Variants in TRIM14 observed in about 807,000 individuals in gnomAD.
TRIM14 encodes tripartite motif containing 14.
Under a neutral mutation model 44.5 loss-of-function variants are expected in TRIM14, and 28 were observed. The observed-to-expected ratio is 0.63, with a 90% CI of 0.47 to 0.86. The LOEUF is 0.86. Among genes scored for constraint, TRIM14 ranks in the 40% least tolerant of loss-of-function variants. The pLI is 0.00. For synonymous variants in TRIM14, 299 were observed against 269.2 expected, an observed-to-expected ratio of 1.11 and a Z score of -1.08; for missense variants, 607 against 611.1, an observed-to-expected ratio of 0.99 and a Z score of 0.07.
At chr9:98,063,199 G>A in the TRIM14 span, among the ~76,000 whole-genome samples, 7 of 151,304 alleles carry the variant, frequency 4.6e-5, no homozygotes, top group African/African-American at 1.5e-4. Context: ...AAGGTCTGGG[G>A]ATTACGGGTG....
chr9:98,090,381 C>A (rs1415980534), intron 5 of TRIM14, among the ~76,000 whole-genome samples: 1 of 152,124 alleles, frequency 6.6e-6, no homozygotes, highest in Non-Finnish European at 1.5e-5. Context: ...GTAAAACTAA[C>A]CTATAGTCCT....
chr9:98,059,310 A>G, the TRIM14 span, among the ~76,000 whole-genome samples: 2 of 152,356 alleles, frequency 1.3e-5, no homozygotes, highest in South Asian at 4.1e-4. Flanking sequence ...GGTGTGAGCC[A>G]CTGCGCCCGG....
the TRIM14 span, chr9:98,060,736 G>A: frequency 6.4e-7 from 1 of 1,572,236 alleles, no homozygotes; most frequent in Non-Finnish European, 8.7e-7. Flanking sequence ...TCCTTTTTTT[G>A]AGAATCTACG....
rs566328898 is a variant in TRIM14 at position 98,101,337 on chromosome 9, G to C, written c.304-1173C>G. On this transcript the variant is annotated intron_variant, in intron 2 of 5. Coordinates refer to ENST00000341469, the MANE Select transcript of TRIM14 (RefSeq NM_014788.4). ...TAAGAGACTGAAATACAGTCTGTAAGGGTATGTGAAGTAGGGCATTTATAT... is the reference window on the plus strand; with the variant it reads ...TAAGAGACTGAAATACAGTCTGTAACGGTATGTGAAGTAGGGCATTTATAT... Among the ~76,000 whole-genome samples the C allele has an allele frequency of 7.9e-5, 12 of 152,282 alleles. No homozygotes were observed. The South Asian group carries it at 2.5e-3, about 32-fold the overall frequency.
chr9:98,044,588 G>T, the TRIM14 span, among the ~76,000 whole-genome samples: 2 of 151,890 alleles, frequency 1.3e-5, no homozygotes, highest in Non-Finnish European at 2.9e-5. Context: ...TGGCCAGGAT[G>T]GTCTTGATCT....
At chr9:98,081,289 A>G (rs1054274088), downstream of TRIM14, 5 of 659,428 alleles carry the variant, frequency 7.6e-6, no homozygotes, top group Non-Finnish European at 1.3e-5. Flanking sequence ...GACACATGTT[A>G]TCTAACTTTA....
chr9:98,052,593 C>T, the TRIM14 span, among the ~76,000 whole-genome samples: 1 of 152,148 alleles, frequency 6.6e-6, no homozygotes, highest in African/African-American at 2.4e-5. Context: ...CTACAACCTC[C>T]ACCTCCTGGG....
intron 6 of TRIM14, among the ~76,000 whole-genome samples, chr9:98,070,663 G>T (rs535804604): frequency 3.3e-5 from 5 of 151,806 alleles, no homozygotes; most frequent in African/African-American, 1.2e-4. Flanking sequence ...CAGGTGATCC[G>T]CCCACCTTGT....
At chr9:98,081,209 C>A, downstream of TRIM14, 1 of 1,283,526 alleles carries the variant, frequency 7.8e-7, no homozygotes, top group Non-Finnish European at 1.1e-6. Context: ...GAATGTGCTC[C>A]CACCCGTGTC....
chr9:98,095,235 C>A lies in TRIM14; in HGVS notation c.538-206G>T, dbSNP rs1164488140. On this transcript the variant is annotated intron_variant, in intron 3 of 5. Coordinates refer to ENST00000341469, the MANE Select transcript of TRIM14 (RefSeq NM_014788.4). This position sits in a 1 kb window ranked among gnomAD's most constrained non-coding sequence, Gnocchi z 4.1. ...CTGAGGTGGGAGCCATGCGGAGGTG[C>A]GGTTTTTCAGTGCTGGCACTGGGGA... Among the ~76,000 whole-genome samples, 2 of 152,318 alleles carry A rather than the reference C, an allele frequency of 1.3e-5. No homozygotes were observed. Among genetic ancestry groups the A allele is most frequent in the East Asian group, 3.9e-4 (2 of 5,178 alleles).
chr9:98,058,215 C>G, the TRIM14 span, among the ~76,000 whole-genome samples: 1 of 152,132 alleles, frequency 6.6e-6, no homozygotes, highest in Non-Finnish European at 1.5e-5. Flanking sequence ...CCACCCTCGG[C>G]CCTTGCTGTT....
intron 6 of TRIM14, chr9:98,076,925 T>C (rs200564294): frequency 2.5e-6 from 4 of 1,610,212 alleles, no homozygotes; most frequent in Non-Finnish European, 3.4e-6. Context: ...TAGATGGCAG[T>C]TGAATTCCTG....
intron 1 of TRIM14, among the ~76,000 whole-genome samples, chr9:98,111,495 A>T (rs1826852683): frequency 6.6e-6 from 1 of 152,186 alleles, no homozygotes; most frequent in African/African-American, 2.4e-5. Context: ...GGAGGATGAC[A>T]TTCACAGGCT....
chr9:98,059,035 T>TA, the TRIM14 span, among the ~76,000 whole-genome samples: 1 of 152,104 alleles, frequency 6.6e-6, no homozygotes, highest in Non-Finnish European at 1.5e-5. Context: ...TTTTATTTTT[T>TA]TTTTTCAAGA....
At chr9:98,046,745 C>A in the TRIM14 span, among the ~76,000 whole-genome samples, 6 of 152,048 alleles carry the variant, frequency 3.9e-5, no homozygotes, top group African/African-American at 1.5e-4. Context: ...AGCTGATATG[C>A]AGAAGAGTTT....
intron 6 of TRIM14, among the ~76,000 whole-genome samples, chr9:98,072,310 G>A (rs2131638627): frequency 6.6e-6 from 1 of 152,292 alleles, no homozygotes; most frequent in African/African-American, 2.4e-5. Context: ...GAGTTTTTCT[G>A]CCTCAGCCTA....
the TRIM14 span, among the ~76,000 whole-genome samples, chr9:98,060,561 T>C: frequency 6.6e-6 from 1 of 152,024 alleles, no homozygotes; most frequent in African/African-American, 2.4e-5. Context: ...TCCCAGCTAC[T>C]TGGGAGGCTG....
At chr9:98,067,790 C>T (rs1436558520), downstream of TRIM14, among the ~76,000 whole-genome samples, 4 of 150,988 alleles carry the variant, frequency 2.6e-5, no homozygotes, top group East Asian at 2.0e-4. Context: ...GGTGCAATAT[C>T]GGCTCACTGC....
chr9:98,057,871 C>A, the TRIM14 span, among the ~76,000 whole-genome samples: 1 of 134,158 alleles, frequency 7.5e-6, no homozygotes, highest in Non-Finnish European at 1.6e-5. Context: ...GGGTCTTGCT[C>A]TGTCACCCAG....
Sources: allele counts gnomAD v4.1 joint callset (sites outside exome capture counted in the v4.1 genomes callset), GRCh38; gene constraint gnomAD v4.1.1; non-coding constraint Gnocchi (gnomAD v3.1); transcripts MANE v1.5; gene names NCBI Gene and HGNC (gene_info 2026-07-23, HGNC 2026-07-21).